RBFOX1: variants seen among roughly 807,000 people sequenced by gnomAD.
The protein encoded by RBFOX1 is RNA binding fox-1 homolog 1.
RBFOX1 carries 8 observed loss-of-function variants against 57.7 expected under a neutral mutation model. That is an observed-to-expected ratio of 0.14 (90% CI 0.08 to 0.25). RBFOX1 has a LOEUF of 0.25. Among genes scored for constraint, RBFOX1 ranks in the 10% least tolerant of loss-of-function variants. The probability of loss-of-function intolerance (pLI) is 1.00; values close to 1 mark genes in which losing one functional copy is unlikely to be tolerated. For missense variants in RBFOX1, 611 were observed against 548.5 expected (o/e 1.11, Z -1.14); for synonymous variants, 326 against 222.4 (o/e 1.47, Z -4.15).
chr16:6,738,783 G>GTGGTC (rs1337252282), intron 3 of RBFOX1, among the ~76,000 whole-genome samples: 1 of 152,130 alleles, frequency 6.6e-6, no homozygotes, highest in Admixed American at 6.5e-5. Flanking sequence ...ATCTTGGGGT[G>GTGGTC]TGGTCTCTGA....
At chr16:6,868,843 AC>A in intron 3 of RBFOX1, among the ~76,000 whole-genome samples, 1 of 152,292 alleles carries the variant, frequency 6.6e-6, no homozygotes, top group Admixed American at 6.5e-5. Flanking sequence ...CATATGACTT[AC>A]TTTGACTAAT....
intron 4 of RBFOX1, among the ~76,000 whole-genome samples, chr16:7,230,952 G>C (rs534184347): frequency 6.6e-6 from 1 of 152,260 alleles, no homozygotes; most frequent in South Asian, 2.1e-4. Flanking sequence ...TAGGTAACCA[G>C]TCACTGGTTT....
At chr16:6,574,954 C>G (rs1000960596) in intron 2 of RBFOX1, among the ~76,000 whole-genome samples, 10 of 150,556 alleles carry the variant, frequency 6.6e-5, no homozygotes, top group Non-Finnish European at 1.3e-4. Flanking sequence ...AGGAGAATGG[C>G]GTGAACCTGG....
intron 4 of RBFOX1, among the ~76,000 whole-genome samples, chr16:7,432,362 C>G (rs2098688904): frequency 1.3e-5 from 2 of 152,162 alleles, no homozygotes; most frequent in African/African-American, 4.8e-5. Flanking sequence ...CATCTTTACT[C>G]TTTGAAAAAT....
At chr16:6,171,393 C>T (rs1320813546) in intron 1 of RBFOX1, among the ~76,000 whole-genome samples, 1 of 152,122 alleles carries the variant, frequency 6.6e-6, no homozygotes, top group South Asian at 2.1e-4. Context: ...ATAAGGAGTT[C>T]AAGACTCGAT....
intron 4 of RBFOX1, among the ~76,000 whole-genome samples, chr16:7,443,784 T>C (rs562798453): frequency 8.4e-4 from 128 of 152,350 alleles, no homozygotes; most frequent in Non-Finnish European, 1.5e-3. Flanking sequence ...CCGTTGCTCC[T>C]ATTTTATACA....
intron 2 of RBFOX1, among the ~76,000 whole-genome samples, chr16:6,624,593 G>A (rs2098278060): frequency 6.6e-6 from 1 of 152,106 alleles, no homozygotes; most frequent in Admixed American, 6.6e-5. Flanking sequence ...TTGTAAGACT[G>A]TACCCTAAAA....
chr16:5,835,915 G>A (rs899966745), intron 3 of RBFOX1, among the ~76,000 whole-genome samples: 1 of 152,122 alleles, frequency 6.6e-6, no homozygotes, highest in African/African-American at 2.4e-5. Flanking sequence ...CTTGCTCCTT[G>A]CACCCGCCGC....
At chr16:5,283,175 G>C (rs894077149) in intron 1 of RBFOX1, among the ~76,000 whole-genome samples, 5 of 152,190 alleles carry the variant, frequency 3.3e-5, no homozygotes, top group African/African-American at 1.2e-4. Context: ...TTGAGGTTTG[G>C]GAACCACTGC....
At position 7,388,561 on chromosome 16, in the gene RBFOX1, C is replaced by G. The variant is rs140947584; in HGVS notation, c.28-129586C>G. On this transcript the variant is annotated intron_variant, in intron 4 of 15. Transcript: ENST00000550418. ...CTCAACTGTAAAAGAAAGATAACAA[C>G]CCTTACCTCATATGGTTCTAGGGAG... is the stretch of plus-strand genomic sequence containing the variant. Among the ~76,000 whole-genome samples, 352 of 151,994 alleles carry G rather than the reference C, an allele frequency of 2.3e-3. No individual in the cohort carries two copies. The Middle Eastern group carries it at 0.038, about 16-fold the overall frequency.
chr16:5,797,182 C>G (rs1299460926), intron 3 of RBFOX1, among the ~76,000 whole-genome samples: 1 of 152,178 alleles, frequency 6.6e-6, no homozygotes, highest in African/African-American at 2.4e-5. Context: ...ACCAGCCATG[C>G]TAGATGCCCA....
At chr16:5,641,568 A>T (rs2048877319) in intron 3 of RBFOX1, among the ~76,000 whole-genome samples, 1 of 152,174 alleles carries the variant, frequency 6.6e-6, no homozygotes, top group Admixed American at 6.5e-5. Context: ...GCTGCAGGAT[A>T]TACCATTTAT....
chr16:7,402,529 G>T (rs899649549), intron 4 of RBFOX1, among the ~76,000 whole-genome samples: 1 of 152,148 alleles, frequency 6.6e-6, no homozygotes. Context: ...GGAGGTCATC[G>T]TTGGGAACAG....
chr16:6,182,203 A>G (rs919084229), intron 1 of RBFOX1, among the ~76,000 whole-genome samples: 2 of 152,202 alleles, frequency 1.3e-5, no homozygotes, highest in African/African-American at 4.8e-5. Context: ...GAAATCGTGA[A>G]TGACTTAAGA....
intron 9 of RBFOX1, among the ~76,000 whole-genome samples, chr16:7,599,229 A>T (rs2094877144): frequency 1.3e-5 from 2 of 152,204 alleles, no homozygotes; most frequent in African/African-American, 4.8e-5. Flanking sequence ...GCCAGATTTC[A>T]TATATGGTGA....
chr16:7,264,492 A>G (rs2095053071), intron 4 of RBFOX1, among the ~76,000 whole-genome samples: 1 of 152,194 alleles, frequency 6.6e-6, no homozygotes, highest in South Asian at 2.1e-4. Context: ...TAAGGGCCAA[A>G]AGCTAAGTAT....
chr16:5,950,426 A>G (rs531392676), intron 4 of RBFOX1, among the ~76,000 whole-genome samples: 4 of 152,142 alleles, frequency 2.6e-5, no homozygotes, highest in Non-Finnish European at 5.9e-5. Flanking sequence ...TGGCAGTTCC[A>G]CATTGGTGGG....
intron 4 of RBFOX1, among the ~76,000 whole-genome samples, chr16:7,381,246 G>A (rs1341552651): frequency 6.6e-6 from 1 of 152,176 alleles, no homozygotes; most frequent in East Asian, 1.9e-4. Context: ...CCAGGTGCAA[G>A]TGGAAATTTT....
intron 2 of RBFOX1, among the ~76,000 whole-genome samples, chr16:6,552,665 A>G (rs1193642630): frequency 5.9e-5 from 9 of 152,154 alleles, no homozygotes; most frequent in African/African-American, 2.2e-4. Context: ...AAAAGAAACA[A>G]AATTTGTATA....
Sources: gnomAD v4.1 joint callset for allele counts (sites outside exome capture counted in the v4.1 genomes callset) on GRCh38, gnomAD v4.1.1 for gene constraint, MANE v1.5 for transcripts, NCBI Gene and HGNC (gene_info 2026-07-23, HGNC 2026-07-21) for gene names.